Variants in NLGN1 observed in about 807,000 individuals in gnomAD.
NLGN1 encodes the protein neuroligin-1.
NLGN1 carries 12 observed loss-of-function variants against 65.5 expected under a neutral mutation model. The ratio of observed to expected loss-of-function variants is 0.18; its 90% CI spans 0.12 to 0.30. The LOEUF (loss-of-function observed/expected upper bound fraction) is 0.30. Among genes scored for constraint, NLGN1 ranks in the 10% least tolerant of loss-of-function variants. The pLI is 1.00. For missense variants in NLGN1, 750 were observed against 1,007.1 expected, an observed-to-expected ratio of 0.74 and a Z score of 3.46; for synonymous variants, 350 against 359.5, an observed-to-expected ratio of 0.97 and a Z score of 0.30.
At chr3:173,467,853 G>A (rs1724636485) in intron 2 of NLGN1, among the ~76,000 whole-genome samples, 1 of 152,090 alleles carries the variant, frequency 6.6e-6, no homozygotes, top group African/African-American at 2.4e-5. Flanking sequence ...ATCACTTAAG[G>A]CCTTAGAATC....
rs144734873 is a variant in NLGN1, at chr3:173,582,689, C to A, written c.-320-21590C>A. Among the ~76,000 whole-genome samples the A allele has an allele frequency of 5.3e-5, 8 of 151,994 alleles. No individual in the cohort carries two copies. The East Asian group carries it at 1.5e-3, about 29-fold the overall frequency. ...CCCTTTATGTACTTTGGATAGTAAT[C>A]CTTCTTTGATTATATGCATTGCAAA... is the stretch of plus-strand genomic sequence containing the variant. On this transcript the variant is annotated intron_variant, in intron 2 of 6. Transcript: ENST00000457714.
chr3:173,849,660 G>C (rs1322517455), intron 4 of NLGN1, among the ~76,000 whole-genome samples: 1 of 152,122 alleles, frequency 6.6e-6, no homozygotes, highest in Non-Finnish European at 1.5e-5. Context: ...TTGTGTAGTG[G>C]TGGGAACATA....
chr3:173,986,036 T>C (rs1174797168), intron 4 of NLGN1, among the ~76,000 whole-genome samples: 1 of 152,196 alleles, frequency 6.6e-6, no homozygotes, highest in Non-Finnish European at 1.5e-5. Context: ...TCACATGTTG[T>C]AATCCTAATG....
chr3:174,100,645 T>G (rs2152573730), intron 4 of NLGN1, among the ~76,000 whole-genome samples: 1 of 152,168 alleles, frequency 6.6e-6, no homozygotes, highest in East Asian at 1.9e-4. Context: ...CATCTTCTCT[T>G]AAGCCACCAG....
intron 2 of NLGN1, among the ~76,000 whole-genome samples, chr3:173,465,067 C>T (rs1724091173): frequency 6.6e-6 from 1 of 152,116 alleles, no homozygotes; most frequent in African/African-American, 2.4e-5. Context: ...TTTTATAATT[C>T]CACTTCCTGA....
At chr3:173,526,253 G>T (rs555645666) in intron 2 of NLGN1, among the ~76,000 whole-genome samples, 11 of 151,928 alleles carry the variant, frequency 7.2e-5, no homozygotes, top group Admixed American at 4.6e-4. Context: ...GTACTCCTAC[G>T]TTGGGAATAT....
intron 2 of NLGN1, among the ~76,000 whole-genome samples, chr3:173,447,564 A>G (rs1212625775): frequency 6.6e-6 from 1 of 152,162 alleles, no homozygotes; most frequent in Non-Finnish European, 1.5e-5. Flanking sequence ...TTTTGGTCCC[A>G]TATGAACTTT....
At chr3:173,683,458 A>G (rs1764251911) in intron 3 of NLGN1, among the ~76,000 whole-genome samples, 1 of 152,130 alleles carries the variant, frequency 6.6e-6, no homozygotes. Context: ...CTGACTACAT[A>G]TTGGGGGATC....
At chr3:173,426,155 CTGTT>C (rs1445234076) in intron 1 of NLGN1, among the ~76,000 whole-genome samples, 4 of 150,632 alleles carry the variant, frequency 2.7e-5, no homozygotes, top group East Asian at 1.9e-4. Flanking sequence ...AGAAATACTA[CTGTT>C]TGTTTGTGTC....
At chr3:173,931,166 A>G (rs1233445628) in intron 4 of NLGN1, among the ~76,000 whole-genome samples, 2 of 152,264 alleles carry the variant, frequency 1.3e-5, no homozygotes, top group Non-Finnish European at 2.9e-5. Flanking sequence ...ATGAAAACCT[A>G]TGATTTTCCA....
intron 4 of NLGN1, among the ~76,000 whole-genome samples, chr3:174,126,264 A>T (rs866525094): frequency 1.3e-5 from 2 of 152,004 alleles, no homozygotes; most frequent in Middle Eastern, 3.2e-3. Flanking sequence ...TTATTGCTTT[A>T]TGTGTGGTAG....
intron 2 of NLGN1, among the ~76,000 whole-genome samples, chr3:173,516,952 A>G (rs1355142463): frequency 6.6e-6 from 1 of 152,070 alleles, no homozygotes; most frequent in African/African-American, 2.4e-5. Flanking sequence ...GATTCTATTT[A>G]TATACATATT....
chr3:174,079,278 T>C (rs1309488919), intron 4 of NLGN1, among the ~76,000 whole-genome samples: 1 of 151,812 alleles, frequency 6.6e-6, no homozygotes, highest in African/African-American at 2.4e-5. Flanking sequence ...CCAACACTCA[T>C]ATGAAAAAAA....
intron 2 of NLGN1, among the ~76,000 whole-genome samples, chr3:173,502,318 A>G (rs1731274590): frequency 6.6e-6 from 1 of 152,110 alleles, no homozygotes. Flanking sequence ...AAAGTATATA[A>G]ATAAATCTTC....
intron 2 of NLGN1, among the ~76,000 whole-genome samples, chr3:173,590,614 A>T: frequency 6.6e-6 from 1 of 152,148 alleles, no homozygotes; most frequent in East Asian, 1.9e-4. Flanking sequence ...AATGAATGAA[A>T]ATCGACTTGT....
chr3:173,796,090 A>T (rs942124306), intron 3 of NLGN1, among the ~76,000 whole-genome samples: 1 of 151,974 alleles, frequency 6.6e-6, no homozygotes, highest in Admixed American at 6.6e-5. Flanking sequence ...AATACCCTCA[A>T]CCTACTTGCC....
chr3:173,902,477 C>T (rs1737547433), intron 4 of NLGN1, among the ~76,000 whole-genome samples: 1 of 152,102 alleles, frequency 6.6e-6, no homozygotes, highest in South Asian at 2.1e-4. Context: ...CATATAGCAA[C>T]ATTTCATGAT....
chr3:173,765,189 G>A (rs922776821), intron 3 of NLGN1, among the ~76,000 whole-genome samples: 4 of 151,600 alleles, frequency 2.6e-5, no homozygotes, highest in African/African-American at 9.7e-5. Context: ...GGTTCATGAG[G>A]ACTAAAAAGA....
chr3:173,783,992 T>G (rs1781575518), intron 3 of NLGN1, among the ~76,000 whole-genome samples: 1 of 152,192 alleles, frequency 6.6e-6, no homozygotes, highest in African/African-American at 2.4e-5. Flanking sequence ...GTAAAATATT[T>G]GATTATGTAG....
Sources: gnomAD v4.1 joint callset for allele counts (sites outside exome capture counted in the v4.1 genomes callset) on GRCh38, gnomAD v4.1.1 for gene constraint, MANE v1.5 for transcripts, NCBI Gene and HGNC (gene_info 2026-07-23, HGNC 2026-07-21) for gene names.